The following ST6GALNAC3 variants were observed in gnomAD, a reference collection of about 807,000 sequenced individuals.
ST6GALNAC3 encodes alpha-N-acetylgalactosaminide alpha-2,6-sialyltransferase 3.
ST6GALNAC3 carries 25 observed loss-of-function variants against 32.7 expected under a neutral mutation model. That is an observed-to-expected ratio of 0.76 (90% CI 0.56 to 1.07). The LOEUF (loss-of-function observed/expected upper bound fraction) is 1.07, where lower values mean the gene tolerates loss of function less well. Among genes scored for constraint, ST6GALNAC3 ranks in the 50% least tolerant of loss-of-function variants. The probability of loss-of-function intolerance (pLI) is 0.00; values close to 1 mark genes in which losing one functional copy is unlikely to be tolerated. For missense variants in ST6GALNAC3, 355 were observed against 382.4 expected, an observed-to-expected ratio of 0.93 and a Z score of 0.60; for synonymous variants, 129 against 133.1, an observed-to-expected ratio of 0.97 and a Z score of 0.21.
At chr1:76,271,079 A>G (rs1000885217) in intron 1 of ST6GALNAC3, among the ~76,000 whole-genome samples, 1 of 152,166 alleles carries the variant, frequency 6.6e-6, no homozygotes, top group Non-Finnish European at 1.5e-5. Context: ...TGTTTGTTTT[A>G]TAAATTGATC....
At chr1:76,419,323 T>C (rs569461490) in intron 3 of ST6GALNAC3, among the ~76,000 whole-genome samples, 1 of 152,226 alleles carries the variant, frequency 6.6e-6, no homozygotes, top group Admixed American at 6.6e-5. Flanking sequence ...AGTAGACATG[T>C]ATGCTCAACA....
intron 1 of ST6GALNAC3, among the ~76,000 whole-genome samples, chr1:76,207,440 A>T (rs80093412): frequency 0.021 from 3,131 of 152,330 alleles, 44 homozygotes; most frequent in Non-Finnish European, 0.036. Context: ...TGGCTATAAC[A>T]ACACAGATTG....
intron 1 of ST6GALNAC3, among the ~76,000 whole-genome samples, chr1:76,209,854 C>T (rs1047083515): frequency 6.6e-6 from 1 of 152,174 alleles, no homozygotes; most frequent in Non-Finnish European, 1.5e-5. Context: ...AAGCCCCACT[C>T]TCTCTAGAGG....
chr1:76,104,221 C>T (rs988578148), intron 1 of ST6GALNAC3, among the ~76,000 whole-genome samples: 4 of 152,088 alleles, frequency 2.6e-5, no homozygotes, highest in African/African-American at 9.7e-5. Flanking sequence ...ACAGTATATT[C>T]GTACAATTTT....
chr1:76,288,950 G>A (rs1305286549), intron 1 of ST6GALNAC3, among the ~76,000 whole-genome samples: 1 of 152,148 alleles, frequency 6.6e-6, no homozygotes, highest in Admixed American at 6.5e-5. Context: ...TCTGATTACT[G>A]TGTATGTCAC....
chr1:76,463,173 G>T lies in ST6GALNAC3; in HGVS notation c.623+50756G>T, dbSNP rs921978762. 1.2e-4 allele frequency among the ~76,000 whole-genome samples: 19 copies of T among 152,260 alleles called. No individual in the cohort carries two copies. The Middle Eastern group carries it at 0.01, about 82-fold the overall frequency. ...AAAGTTCTAAAAATTTTAATAGTGG[G>T]AGCTTAACTTTGAGGTTTGCAGAAT... On this transcript the variant is annotated intron_variant, in intron 3 of 4. Coordinates refer to ENST00000328299, the MANE Select transcript of ST6GALNAC3 (RefSeq NM_152996.4).
intron 2 of ST6GALNAC3, among the ~76,000 whole-genome samples, chr1:76,332,469 C>T (rs982414663): frequency 2.6e-5 from 4 of 152,166 alleles, no homozygotes; most frequent in African/African-American, 9.7e-5. Context: ...AAGGTACTAA[C>T]TTCACTAAGC....
intron 1 of ST6GALNAC3, among the ~76,000 whole-genome samples, chr1:76,126,029 A>G (rs1649217125): frequency 6.6e-6 from 1 of 152,148 alleles, no homozygotes; most frequent in Non-Finnish European, 1.5e-5. Flanking sequence ...TTCTGTCTGG[A>G]AATCTTATTG....
intron 1 of ST6GALNAC3, among the ~76,000 whole-genome samples, chr1:76,255,353 G>T (rs1657861722): frequency 6.6e-6 from 1 of 152,192 alleles, no homozygotes; most frequent in African/African-American, 2.4e-5. Context: ...AAAAAGCAAT[G>T]CACACTGAGG....
chr1:76,562,100 G>T lies in ST6GALNAC3; in HGVS notation c.624-65352G>T, dbSNP rs1000984749. ...CTGGGGCTGGGACAAGGGAGTAGGA[G>T]CAGGAATAAGAAATGACCATAAATG... is the stretch of plus-strand genomic sequence containing the variant. On this transcript the variant is annotated intron_variant, in intron 3 of 4. Transcript: ENST00000328299. Among the ~76,000 whole-genome samples, 14 of 152,158 alleles carry T rather than the reference G, an allele frequency of 9.2e-5. 1 individual carries two copies. Among genetic ancestry groups the T allele is most frequent in the Admixed American group, 8.5e-4 (13 of 15,264 alleles).
chr1:76,598,291 C>T (rs564486286), intron 3 of ST6GALNAC3, among the ~76,000 whole-genome samples: 2 of 152,234 alleles, frequency 1.3e-5, no homozygotes, highest in South Asian at 2.1e-4. Context: ...ATAGCCATAA[C>T]CAGATGTTTT....
chr1:76,489,571 A>C (rs1356380909), intron 3 of ST6GALNAC3, among the ~76,000 whole-genome samples: 1 of 152,172 alleles, frequency 6.6e-6, no homozygotes, highest in Non-Finnish European at 1.5e-5. Flanking sequence ...CCTTGACGTC[A>C]GAAACACAGT....
chr1:76,290,402 C>T (rs1340838494), intron 1 of ST6GALNAC3, among the ~76,000 whole-genome samples: 1 of 152,188 alleles, frequency 6.6e-6, no homozygotes, highest in African/African-American at 2.4e-5. Context: ...TCACTCCTTT[C>T]AATGACTGCA....
At chr1:76,591,575 C>T (rs947748746) in intron 3 of ST6GALNAC3, among the ~76,000 whole-genome samples, 1 of 152,036 alleles carries the variant, frequency 6.6e-6, no homozygotes, top group Non-Finnish European at 1.5e-5. Context: ...CTTGCATTAC[C>T]CTAAACACTG....
intron 2 of ST6GALNAC3, among the ~76,000 whole-genome samples, chr1:76,333,105 C>A (rs1339151791): frequency 6.6e-6 from 1 of 152,050 alleles, no homozygotes; most frequent in Non-Finnish European, 1.5e-5. Flanking sequence ...AGAAGCATAT[C>A]CAAAAATATT....
At chr1:76,255,029 T>C (rs1042359535) in intron 1 of ST6GALNAC3, among the ~76,000 whole-genome samples, 3 of 50,842 alleles carry the variant, frequency 5.9e-5, no homozygotes, top group Admixed American at 2.4e-4. Flanking sequence ...TCTCTCTCTC[T>C]CTTTTTTTTT....
chr1:76,609,592 G>T (rs565879266), intron 3 of ST6GALNAC3, among the ~76,000 whole-genome samples: 1 of 152,154 alleles, frequency 6.6e-6, no homozygotes, highest in South Asian at 2.1e-4. Flanking sequence ...TTTTTCCACA[G>T]GCTGGTCCAT....
chr1:76,306,160 C>T (rs552133192), intron 1 of ST6GALNAC3, among the ~76,000 whole-genome samples: 1 of 151,936 alleles, frequency 6.6e-6, no homozygotes, highest in Non-Finnish European at 1.5e-5. Flanking sequence ...TCATTTTGCC[C>T]AACTCTGGCT....
chr1:76,478,311 G>A (rs1429167402), intron 3 of ST6GALNAC3, among the ~76,000 whole-genome samples: 1 of 152,150 alleles, frequency 6.6e-6, no homozygotes, highest in Non-Finnish European at 1.5e-5. Context: ...GCAGTCAAAG[G>A]TTATTTTGTT....
Sources: gnomAD v4.1 joint callset for allele counts (sites outside exome capture counted in the v4.1 genomes callset) on GRCh38, gnomAD v4.1.1 for gene constraint, MANE v1.5 for transcripts, NCBI Gene and HGNC (gene_info 2026-07-23, HGNC 2026-07-21) for gene names.